The following ASIC2 variants were observed in gnomAD, a reference collection of about 807,000 sequenced individuals.
The protein encoded by ASIC2 is acid-sensing ion channel 2.
In ASIC2, 25 loss-of-function variants were observed where a neutral mutation model predicts 57.3. The ratio of observed to expected loss-of-function variants is 0.44; its 90% CI spans 0.32 to 0.61. The LOEUF is 0.61. Ranked by LOEUF, ASIC2 falls within the 20% of genes least tolerant of loss-of-function variation. The pLI is 0.06. For missense variants in ASIC2, 641 were observed against 738.1 expected, an observed-to-expected ratio of 0.87 and a Z score of 1.52; for synonymous variants, 319 against 307.5, an observed-to-expected ratio of 1.04 and a Z score of -0.39.
intron 1 of ASIC2, among the ~76,000 whole-genome samples, chr17:33,951,857 G>A (rs563526427): frequency 6.6e-6 from 1 of 151,730 alleles, no homozygotes; most frequent in East Asian, 1.9e-4. Context: ...GCCTCCTAAA[G>A]TGTTGGGATT....
chr17:33,579,159 G>A (rs756713163), intron 1 of ASIC2, among the ~76,000 whole-genome samples: 7 of 151,860 alleles, frequency 4.6e-5, no homozygotes, highest in East Asian at 1.9e-4. Context: ...GATGGTGGGC[G>A]CCTGTAATCC....
chr17:33,935,597 A>G lies in ASIC2; in HGVS notation c.555+220381T>C, dbSNP rs149688592. 182 of 152,324 alleles carry G rather than the reference A, an allele frequency of 1.2e-3. 2 individuals carry two copies. The highest frequency in any genetic ancestry group is 4.1e-3 in the African/African-American group (172 of 41,570). The allele number at this position is 152,324 out of a possible 1,614,324, so 9.4% of individuals were successfully genotyped here. ...TGCCAAGCCCCTTGCTAAGGACTCTATAAGAAAGATCTCATTTAATCTCTC... is the reference window on the plus strand; with the variant it reads ...TGCCAAGCCCCTTGCTAAGGACTCTGTAAGAAAGATCTCATTTAATCTCTC... On this transcript the variant is annotated intron_variant, in intron 1 of 9. Coordinates refer to the ASIC2 transcript ENST00000359872.
At position 33,017,678 on chromosome 17, in the gene ASIC2, A is replaced by G. The variant is rs369821894; in HGVS notation, c.1448T>C (p.Ile483Thr). 6.8e-6 allele frequency: 11 copies of G among 1,613,054 alleles called. No individual in the cohort carries two copies. The highest frequency in any genetic ancestry group is 8.5e-7 in the Non-Finnish European group (1 of 1,179,132). The change falls in exon 8 of 10, where the codon ATT becomes ACT. Residue 483 changes from isoleucine to threonine, a missense_variant. Physicochemically the swap from Ile to Thr is moderately conservative, Grantham distance 89 (BLOSUM62 -1). Around this residue, in one of 3 missense-constraint regions of ASIC2, gnomAD observed 252 missense variants for 319.8 expected, o/e 0.79. Coordinates refer to ENST00000225823, the MANE Select transcript of ASIC2 (RefSeq NM_183377.2). ...AYEVAALLGDIGGQMGLFIGA... is the reference protein window; with the variant it reads ...AYEVAALLGDTGGQMGLFIGA... ...AATGAACAATCCCATCTGACCACCA[A>G]TATCACCTGGAGAGAGAGGGAAAAG...
chr17:33,449,593 G>A (rs1446888337), intron 1 of ASIC2, among the ~76,000 whole-genome samples: 1 of 152,004 alleles, frequency 6.6e-6, no homozygotes, highest in East Asian at 1.9e-4. Context: ...TGCTCCATGT[G>A]AATTAATGTT....
intron 1 of ASIC2, among the ~76,000 whole-genome samples, chr17:33,721,590 G>A (rs1333882597): frequency 2.6e-5 from 4 of 152,186 alleles, no homozygotes; most frequent in Admixed American, 2.6e-4. Context: ...ACAAAGAGCA[G>A]GACCGAGAAA....
At chr17:33,893,575 T>C (rs1286789058) in intron 1 of ASIC2, among the ~76,000 whole-genome samples, 1 of 152,152 alleles carries the variant, frequency 6.6e-6, no homozygotes, top group African/African-American at 2.4e-5. Context: ...AGCAATATGA[T>C]CAATTAGCAG....
At chr17:33,889,955 C>T (rs753075525) in intron 1 of ASIC2, among the ~76,000 whole-genome samples, 1 of 152,184 alleles carries the variant, frequency 6.6e-6, no homozygotes, top group Admixed American at 6.5e-5. Context: ...GCATGTCCTC[C>T]TTCTAGCATT....
chr17:33,812,395 T>C (rs1169113966), intron 1 of ASIC2, among the ~76,000 whole-genome samples: 4 of 152,142 alleles, frequency 2.6e-5, no homozygotes, highest in African/African-American at 2.4e-5. Context: ...TTGTCATTTT[T>C]CCCCTGCCTG....
chr17:33,281,282 T>C (rs1904937276), intron 1 of ASIC2, among the ~76,000 whole-genome samples: 1 of 152,178 alleles, frequency 6.6e-6, no homozygotes, highest in South Asian at 2.1e-4. Context: ...ATTGTAACAA[T>C]ATACAGAAGG....
At chr17:33,490,209 C>A (rs1913708777) in intron 1 of ASIC2, among the ~76,000 whole-genome samples, 2 of 152,216 alleles carry the variant, frequency 1.3e-5, no homozygotes, top group Admixed American at 6.5e-5. Flanking sequence ...GTATGGCCTG[C>A]AAGGCCCAAA....
intron 1 of ASIC2, among the ~76,000 whole-genome samples, chr17:33,821,602 G>A (rs1912748441): frequency 6.6e-6 from 1 of 152,224 alleles, no homozygotes. Flanking sequence ...AGATGAGCCA[G>A]CCTTGTTTCC....
chr17:33,201,213 G>C (rs564228920), intron 1 of ASIC2, among the ~76,000 whole-genome samples: 6 of 152,238 alleles, frequency 3.9e-5, no homozygotes, highest in African/African-American at 1.4e-4. Context: ...ATTTTGATCT[G>C]TGTGTTAAGT....
intron 1 of ASIC2, among the ~76,000 whole-genome samples, chr17:34,011,559 T>C (rs1044290209): frequency 2.6e-5 from 4 of 151,848 alleles, no homozygotes; most frequent in Non-Finnish European, 4.4e-5. Flanking sequence ...CCCGCCCTCC[T>C]CCCTAGCCCA....
rs2142146251 is a variant in ASIC2 at position 33,262,337 on chromosome 17, G to C, written c.708+29071C>G. Among the ~76,000 whole-genome samples, 3 of 151,762 alleles carry C rather than the reference G, an allele frequency of 2.0e-5. No individual in the cohort carries two copies. In the South Asian group the frequency reaches 6.3e-4, roughly 32 times the overall value. ...ATGGGGAGAGGGAGAAAGGGAGGGA[G>C]GGGGAGAAAAGGAGGAAGAGGGAGG... On this transcript the variant is annotated intron_variant, in intron 1 of 9. Coordinates refer to ENST00000225823, the MANE Select transcript of ASIC2 (RefSeq NM_183377.2).
At chr17:33,712,503 C>A (rs187079747) in intron 1 of ASIC2, among the ~76,000 whole-genome samples, 11 of 152,254 alleles carry the variant, frequency 7.2e-5, no homozygotes, top group African/African-American at 2.4e-4. Context: ...GTAAAGAATT[C>A]GGGCCTGATT....
intron 3 of ASIC2, among the ~76,000 whole-genome samples, chr17:33,031,056 A>AT (rs771876500): frequency 2.6e-5 from 4 of 152,032 alleles, no homozygotes; most frequent in Non-Finnish European, 5.9e-5. Flanking sequence ...CTCTTTCTCA[A>AT]TTTTTTGAAT....
chr17:33,368,801 T>C (rs1273999540), intron 1 of ASIC2, among the ~76,000 whole-genome samples: 3 of 152,160 alleles, frequency 2.0e-5, no homozygotes, highest in East Asian at 3.9e-4. Flanking sequence ...TGGCTTTCTT[T>C]CTCTGCCCTC....
intron 1 of ASIC2, among the ~76,000 whole-genome samples, chr17:33,314,809 A>G (rs772798052): frequency 6.6e-6 from 1 of 152,238 alleles, no homozygotes; most frequent in Non-Finnish European, 1.5e-5. Flanking sequence ...TTAGGTCAGG[A>G]AAATAGCCAG....
chr17:33,667,430 C>G (rs917034457), intron 1 of ASIC2, among the ~76,000 whole-genome samples: 1 of 152,212 alleles, frequency 6.6e-6, no homozygotes, highest in African/African-American at 2.4e-5. Flanking sequence ...ACATATGTTT[C>G]TCTCTCTGTC....
Sources: gnomAD v4.1 joint callset for allele counts (sites outside exome capture counted in the v4.1 genomes callset) on GRCh38, gnomAD v4.1.1 for gene constraint, gnomAD v4.1.1 regional missense constraint, MANE v1.5 for transcripts, NCBI Gene and HGNC (gene_info 2026-07-23, HGNC 2026-07-21) for gene names.